The following PPFIA2 variants were observed in gnomAD, a reference collection of about 807,000 sequenced individuals.
PPFIA2 encodes the protein liprin-alpha-2.
PPFIA2 carries 46 observed loss-of-function variants against 175.5 expected under a neutral mutation model. The observed-to-expected ratio is 0.26, with a 90% CI of 0.21 to 0.34. PPFIA2 has a LOEUF of 0.34. Among genes scored for constraint, PPFIA2 ranks in the 10% least tolerant of loss-of-function variants. The probability of loss-of-function intolerance (pLI) is 1.00; values close to 1 mark genes in which losing one functional copy is unlikely to be tolerated. For synonymous variants in PPFIA2, 568 were observed against 511.4 expected, an observed-to-expected ratio of 1.11 and a Z score of -1.49; for missense variants, 1,179 against 1,506.1, an observed-to-expected ratio of 0.78 and a Z score of 3.60.
chr12:81,358,296 G>A lies in PPFIA2; in HGVS notation c.1638-79C>T, dbSNP rs2061146514. The A allele has an allele frequency of 3.8e-6, 5 of 1,327,996 alleles. No homozygotes were observed. In the South Asian group the frequency reaches 5.3e-5, roughly 14 times the overall value. 82.3% of individuals were successfully genotyped at this position (1,327,996 alleles called of 1,614,324 possible). On this transcript the variant is annotated intron_variant, in intron 15 of 32. Coordinates refer to ENST00000549396, the MANE Select transcript of PPFIA2 (RefSeq NM_003625.5). ...GGAAATTACTATCTGCTGTTTTACTGGCAATAAAGCAGAAATCCTCAAGGA... is the reference window on the plus strand; with the variant it reads ...GGAAATTACTATCTGCTGTTTTACTAGCAATAAAGCAGAAATCCTCAAGGA...
intron 6 of PPFIA2, among the ~76,000 whole-genome samples, chr12:81,442,848 CATATATATATATAT>C (rs35192542): frequency 0.031 from 433 of 14,084 alleles, 5 homozygotes; most frequent in Non-Finnish European, 0.047. Flanking sequence ...TTTCTGACTT[CATATATATATATAT>C]ATATATATAT....
intron 28 of PPFIA2, among the ~76,000 whole-genome samples, chr12:81,274,748 A>G (rs2040065477): frequency 6.6e-6 from 1 of 152,242 alleles, no homozygotes; most frequent in Admixed American, 6.5e-5. Context: ...CACACTTCAG[A>G]TAATAAGAGA....
intron 4 of PPFIA2, among the ~76,000 whole-genome samples, chr12:81,462,571 TATATATATATATAC>T (rs2054788866): frequency 1.9e-5 from 1 of 53,200 alleles, no homozygotes; most frequent in Non-Finnish European, 3.2e-5. Context: ...TATATATGTG[TATATATATATATAC>T]ATATATATAT....
At chr12:81,654,267 T>A (rs1479912533) in intron 4 of PPFIA2, among the ~76,000 whole-genome samples, 1 of 152,054 alleles carries the variant, frequency 6.6e-6, no homozygotes, top group Non-Finnish European at 1.5e-5. Flanking sequence ...AACATCTATT[T>A]TATACTGATT....
chr12:81,277,439 A>T, intron 27 of PPFIA2, 25 bp from the exon 28 acceptor site: 2 of 1,489,490 alleles, frequency 1.3e-6, no homozygotes, highest in Non-Finnish European at 1.8e-6. Flanking sequence ...AAAAAAAAAA[A>T]AACACAGTGA....
chr12:81,277,676 CTA>C (rs1173021946), intron 27 of PPFIA2, among the ~76,000 whole-genome samples: 1 of 152,164 alleles, frequency 6.6e-6, no homozygotes, highest in African/African-American at 2.4e-5. Flanking sequence ...TATTGTTCAT[CTA>C]TGTGTCTTTG....
intron 4 of PPFIA2, among the ~76,000 whole-genome samples, chr12:81,642,915 TA>T (rs1258591791): frequency 6.9e-6 from 1 of 144,480 alleles, no homozygotes; most frequent in African/African-American, 2.5e-5. Flanking sequence ...CACACAAATG[TA>T]AAAAATGTGT....
chr12:81,275,734 A>T (rs1330412145), intron 28 of PPFIA2, among the ~76,000 whole-genome samples: 1 of 151,914 alleles, frequency 6.6e-6, no homozygotes, highest in Non-Finnish European at 1.5e-5. Context: ...TAATATCCAA[A>T]ATTTTCCTTA....
intron 4 of PPFIA2, among the ~76,000 whole-genome samples, chr12:81,580,156 G>A (rs1269612833): frequency 2.0e-5 from 3 of 151,806 alleles, no homozygotes; most frequent in Non-Finnish European, 2.9e-5. Context: ...TAATAAAATA[G>A]TACTGTAAGT....
intron 4 of PPFIA2, among the ~76,000 whole-genome samples, chr12:81,644,575 G>A (rs913594727): frequency 1.3e-5 from 2 of 151,652 alleles, no homozygotes; most frequent in South Asian, 2.1e-4. Flanking sequence ...TACCTTTTTA[G>A]TTTTTTCTTC....
intron 4 of PPFIA2, among the ~76,000 whole-genome samples, chr12:81,506,699 A>G (rs2061209953): frequency 6.6e-6 from 1 of 152,192 alleles, no homozygotes; most frequent in Non-Finnish European, 1.5e-5. Flanking sequence ...AAAGTAGGCA[A>G]ATTATCTTTA....
chr12:81,431,335 T>C (rs2048058187), intron 7 of PPFIA2: 1 of 152,210 alleles, frequency 6.6e-6, no homozygotes, highest in South Asian at 2.1e-4. Context: ...GTGCTTTTTT[T>C]TGGCTTTCCA....
At chr12:81,492,492 G>A (rs1242825097) in intron 4 of PPFIA2, among the ~76,000 whole-genome samples, 3 of 152,010 alleles carry the variant, frequency 2.0e-5, no homozygotes, top group South Asian at 2.1e-4. Flanking sequence ...AAAATAAAAC[G>A]GGGAGGGGTG....
At chr12:81,725,411 C>G (rs934010298) in intron 3 of PPFIA2, among the ~76,000 whole-genome samples, 1 of 150,754 alleles carries the variant, frequency 6.6e-6, no homozygotes, top group Non-Finnish European at 1.5e-5. Context: ...AAAACATATT[C>G]CCATCAGTAG....
intron 7 of PPFIA2, among the ~76,000 whole-genome samples, chr12:81,422,136 ATGTGTATATATATGTGTG>A (rs1361585288): frequency 7.1e-5 from 5 of 70,184 alleles, no homozygotes; most frequent in Admixed American, 2.9e-4. Context: ...GTGTATATAT[ATGTGTATATATATGTGTG>A]TATATATATA....
chr12:81,326,381 C>T (rs2054763143), intron 21 of PPFIA2, among the ~76,000 whole-genome samples: 3 of 152,120 alleles, frequency 2.0e-5, no homozygotes, highest in Admixed American at 2.0e-4. Flanking sequence ...TCTTCATAGA[C>T]TGCTCCTGGA....
At chr12:81,356,657 T>C (rs1237822535) in intron 16 of PPFIA2, among the ~76,000 whole-genome samples, 1 of 151,922 alleles carries the variant, frequency 6.6e-6, no homozygotes, top group Non-Finnish European at 1.5e-5. Context: ...AATAATACCC[T>C]GTCTCAAAAA....
intron 4 of PPFIA2, 99 bp downstream of exon 4, chr12:81,676,692 C>A (rs754357786): frequency 5.3e-6 from 4 of 750,942 alleles, no homozygotes; most frequent in Admixed American, 7.9e-5. Context: ...ATAAAAAGTA[C>A]CTGCATATGA....
rs1388039874 is a variant in PPFIA2, at chr12:81,582,915, T to A, written c.303+93876A>T. On this transcript the variant is annotated intron_variant, in intron 4 of 32. Transcript: ENST00000549396. Reference sequence around the variant, plus strand: ...GCAAAGTACAATTTTCCGGGGAGTTTTTCTATTTTTTTGAGAAGTGAAATA... The same window carrying A: ...GCAAAGTACAATTTTCCGGGGAGTTATTCTATTTTTTTGAGAAGTGAAATA... Among the ~76,000 whole-genome samples the A allele has an allele frequency of 2.0e-5, 3 of 151,896 alleles. No homozygotes were observed. The East Asian group carries it at 5.8e-4, about 29-fold the overall frequency.
Sources: gnomAD v4.1 joint callset for allele counts (sites outside exome capture counted in the v4.1 genomes callset) on GRCh38, gnomAD v4.1.1 for gene constraint, MANE v1.5 for transcripts, NCBI Gene and HGNC (gene_info 2026-07-23, HGNC 2026-07-21) for gene names.